Variants in KIF14 observed in about 807,000 individuals in gnomAD.
KIF14 encodes kinesin-like protein KIF14.
Under a neutral mutation model 176.2 loss-of-function variants are expected in KIF14, and 98 were observed. The observed-to-expected ratio is 0.56, with a 90% CI of 0.47 to 0.66. KIF14 has a LOEUF of 0.66. KIF14 is among the 30% of genes least tolerant of loss of function. The pLI is 0.00. For missense variants in KIF14, 1,751 were observed against 1,920.4 expected (o/e 0.91, Z 1.65); for synonymous variants, 566 against 632.2 (o/e 0.90, Z 1.57).
intron 27 of KIF14, among the ~76,000 whole-genome samples, chr1:200,557,462 A>G (rs1656897528): frequency 6.6e-6 from 1 of 152,246 alleles, no homozygotes; most frequent in African/African-American, 2.4e-5. Context: ...TATGATCCTC[A>G]GAACAATTTT....
chr1:200,615,672 G>T (rs1660375800), intron 2 of KIF14, 63 bp from the exon 3 acceptor site: 1 of 1,367,610 alleles, frequency 7.3e-7, no homozygotes. Flanking sequence ...TATTCTCACA[G>T]AACATAATAA....
rs901227481 is a variant in KIF14 at position 200,618,810 on chromosome 1, T to C, written c.-87A>G. 8 of 1,125,352 alleles carry C rather than the reference T, an allele frequency of 7.1e-6. No homozygotes were observed. The East Asian group carries it at 1.7e-4, about 23-fold the overall frequency. The allele number at this position is 1,125,352 out of a possible 1,614,324, so 69.7% of individuals were successfully genotyped here. A position where few individuals can be genotyped will look rare whatever the true frequency, so the allele number is the denominator to read the frequency against. ...TCATTTGATTTCCAGCCATTTCTTA[T>C]GTATCCATTTCTGAAAGTATCTGCT... On this transcript the variant is annotated 5_prime_UTR_variant, in exon 2 of 30. Transcript: ENST00000367350.
intron 25 of KIF14, among the ~76,000 whole-genome samples, chr1:200,564,631 T>A (rs1448317612): frequency 1.3e-5 from 2 of 152,190 alleles, no homozygotes; most frequent in East Asian, 3.8e-4. Flanking sequence ...AGAGAAAGAC[T>A]CTGTCTCTCT....
chr1:200,594,578 C>T (rs4623737), intron 14 of KIF14, among the ~76,000 whole-genome samples: 40,042 of 152,016 alleles, frequency 0.26, 7,106 homozygotes, highest in African/African-American at 0.5. Context: ...CAAAGTGTAC[C>T]CCTTAAGACA....
intron 22 of KIF14, 43 bp from the exon 23 acceptor site, chr1:200,570,048 T>C: frequency 1.2e-6 from 1 of 857,794 alleles, no homozygotes; most frequent in Non-Finnish European, 1.8e-6. Flanking sequence ...CTATACCACA[T>C]GGAATAATAT....
rs534367947 is a variant in KIF14 at position 200,586,430 on chromosome 1, C to T, written c.3115-203G>A. Among the ~76,000 whole-genome samples the T allele has an allele frequency of 2.6e-5, 4 of 152,156 alleles. No homozygotes were observed. In the South Asian group the frequency reaches 6.2e-4, roughly 24 times the overall value. ...ACAGATTGATAATGATAACACACTA[C>T]AGTAAACCTCATTTTACAGTACGTT... On this transcript the variant is annotated intron_variant, in intron 18 of 29. Coordinates refer to ENST00000367350, the MANE Select transcript of KIF14 (RefSeq NM_014875.3).
At chr1:200,569,536 A>G (rs1657664478) in intron 23 of KIF14, among the ~76,000 whole-genome samples, 1 of 151,972 alleles carries the variant, frequency 6.6e-6, no homozygotes, top group African/African-American at 2.4e-5. Context: ...AGTTCTCCAG[A>G]GAGATCTTAT....
intron 25 of KIF14, 92 bp downstream of exon 25, chr1:200,564,977 C>G: frequency 1.1e-6 from 1 of 948,278 alleles, no homozygotes; most frequent in East Asian, 2.5e-5. Context: ...GAAAATCATA[C>G]AGAGCTAATT....
chr1:200,555,332 A>G, intron 28 of KIF14, 48 bp downstream of exon 28: 1 of 1,175,214 alleles, frequency 8.5e-7, no homozygotes, highest in Non-Finnish European at 1.2e-6. Flanking sequence ...AACCAAGTGA[A>G]ATGATAAAAA....
intron 22 of KIF14, among the ~76,000 whole-genome samples, chr1:200,572,468 C>A (rs1657851299): frequency 6.6e-6 from 1 of 152,098 alleles, no homozygotes; most frequent in East Asian, 1.9e-4. Context: ...CCTCAGCCTC[C>A]CGAGTAGCTG....
intron 16 of KIF14, among the ~76,000 whole-genome samples, chr1:200,591,148 T>A (rs1659033790): frequency 6.6e-6 from 1 of 152,206 alleles, no homozygotes; most frequent in Non-Finnish European, 1.5e-5. Flanking sequence ...TATATTGTAT[T>A]CAATTAAAAA....
chr1:200,565,529 T>C lies in KIF14; in HGVS notation c.3802A>G (p.Ile1268Val). 6.2e-7 allele frequency: 1 copy of C among 1,611,138 alleles called. No individual in the cohort carries two copies. The highest frequency in any genetic ancestry group is 1.1e-5 in the South Asian group (1 of 90,216). The part of the protein sequence containing the change: ...DEERTIADSL[I>V]NSFLKIYNGL... ...TTATAAATTTTAAGAAAACTATTAA[T>C]TAGGCTGTCTGCTATAGTTCTTTCT... The change falls in exon 24 of 30, where the codon ATT (isoleucine) becomes GTT (valine). Residue 1268 changes from isoleucine to valine, a missense_variant. Coordinates refer to ENST00000367350, the MANE Select transcript of KIF14 (RefSeq NM_014875.3).
intron 26 of KIF14, among the ~76,000 whole-genome samples, 196 bp from the exon 27 acceptor site, chr1:200,559,648 A>G (rs1657022641): frequency 6.6e-6 from 1 of 152,244 alleles, no homozygotes; most frequent in African/African-American, 2.4e-5. Context: ...TGGTCTGTAA[A>G]GAAATAAAAT....
At chr1:200,612,193 G>A (rs1381457383) in intron 4 of KIF14, among the ~76,000 whole-genome samples, 1 of 152,012 alleles carries the variant, frequency 6.6e-6, no homozygotes, top group Non-Finnish European at 1.5e-5. Context: ...AGTAGAGACA[G>A]GGATTCACCA....
chr1:200,554,397 AAAAAG>A, intron 29 of KIF14, 66 bp downstream of exon 29: 1 of 1,117,744 alleles, frequency 8.9e-7, no homozygotes, highest in South Asian at 1.5e-5. Flanking sequence ...TCTCAAAAAA[AAAAAG>A]GAAAGATGTC....
rs1016110595 is a variant in KIF14, at chr1:200,589,137, C to T, written c.3114+80G>A. The T allele has an allele frequency of 9.4e-6, 11 of 1,175,342 alleles. No individual in the cohort carries two copies. In the African/African-American group the frequency reaches 1.7e-4, roughly 18 times the overall value. 72.8% of individuals were successfully genotyped at this position (1,175,342 alleles called of 1,614,324 possible). On this transcript the variant is annotated intron_variant, in intron 18 of 29. Transcript: ENST00000367350. Reference sequence around the variant, plus strand: ...CCTGGATTTGGCTCTCTTCTGTCAACATACCATAAGCCACTTCTTTGAAAA... The same window carrying T: ...CCTGGATTTGGCTCTCTTCTGTCAATATACCATAAGCCACTTCTTTGAAAA...
intron 15 of KIF14, 96 bp downstream of exon 15, chr1:200,593,571 A>T: frequency 2.4e-6 from 2 of 824,148 alleles, no homozygotes; most frequent in Non-Finnish European, 4.0e-6. Context: ...ATCTGCTTCA[A>T]CACCCTTATC....
intron 16 of KIF14, 93 bp from the exon 17 acceptor site, chr1:200,590,365 T>TTTCATTCAATG: frequency 9.0e-7 from 1 of 1,110,366 alleles, no homozygotes. Flanking sequence ...TTCCATTGAA[T>TTTCATTCAATG]GAAAGTTTCA....
At chr1:200,611,906 GAA>G (rs1660173440) in intron 4 of KIF14, among the ~76,000 whole-genome samples, 1 of 152,080 alleles carries the variant, frequency 6.6e-6, no homozygotes, top group Non-Finnish European at 1.5e-5. Context: ...CTGAAACACA[GAA>G]AGACATTAAG....
Sources: gnomAD v4.1 joint callset for allele counts (sites outside exome capture counted in the v4.1 genomes callset) on GRCh38, gnomAD v4.1.1 for gene constraint, MANE v1.5 for transcripts, NCBI Gene and HGNC (gene_info 2026-07-23, HGNC 2026-07-21) for gene names.